Variants in ZNF625 observed in about 807,000 individuals in gnomAD.
ZNF625 encodes the protein zinc finger protein 625.
In ZNF625, 8 loss-of-function variants were observed where a neutral mutation model predicts 11.1. The observed-to-expected ratio is 0.72, with a 90% confidence interval of 0.42 to 1.30. The LOEUF (loss-of-function observed/expected upper bound fraction) is 1.30, where lower values mean the gene tolerates loss of function less well. ZNF625 is among the 50% of genes most tolerant of loss of function. ZNF625 has a pLI of 0.01. For synonymous variants in ZNF625, 145 were observed against 153.4 expected (o/e 0.95, Z 0.41); for missense variants, 349 against 447.6 (o/e 0.78, Z 1.99).
intron 1 of ZNF625, among the ~76,000 whole-genome samples, chr19:12,149,632 A>T (rs748548602): frequency 1.3e-5 from 2 of 152,198 alleles, no homozygotes; most frequent in Non-Finnish European, 2.9e-5. Context: ...GTAAAAACCT[A>T]ATTGATTAAA....
At chr19:12,147,264 G>T (rs974730673) in intron 3 of ZNF625, 131 bp downstream of exon 3, 6 of 819,726 alleles carry the variant, frequency 7.3e-6, no homozygotes, top group Non-Finnish European at 1.1e-5. Context: ...ACCACAGCCG[G>T]CCCTAGAGAA....
At chr19:12,146,879 C>T (rs1464301293) in intron 3 of ZNF625, among the ~76,000 whole-genome samples, 2 of 152,140 alleles carry the variant, frequency 1.3e-5, no homozygotes, top group Non-Finnish European at 2.9e-5. Context: ...TCAGCTCAAG[C>T]AATCTCTGAC....
In ZNF625 at chr19:12,145,088, C is replaced by T; in HGVS notation, c.*209G>A. On this transcript the variant is annotated 3_prime_UTR_variant, in exon 4 of 4. Coordinates refer to ENST00000439556, the MANE Select transcript of ZNF625 (RefSeq NM_145233.4). ...GTGTGTCTCTCTTAAGAGTTATTTC[C>T]AACTCTGTGTCCTAGGTATCTGAGT... is the stretch of plus-strand genomic sequence containing the variant. 1 of 601,166 alleles carries T rather than the reference C, an allele frequency of 1.7e-6. No individual in the cohort carries two copies. The highest frequency in any genetic ancestry group is 2.2e-5 in the South Asian group (1 of 46,454). The allele number at this position is 601,166 out of a possible 1,614,324, so 37.2% of individuals were successfully genotyped here.
rs778394308 is a variant in ZNF625 at position 12,146,183 on chromosome 19, T to C, written c.233A>G (p.His78Arg). 12 of 1,614,168 alleles carry C rather than the reference T, an allele frequency of 7.4e-6. No homozygotes were observed. Among genetic ancestry groups the C allele is most frequent in the Non-Finnish European group, 1.0e-5 (12 of 1,180,030 alleles). The change falls in exon 4 of 4, where the codon CAT (histidine) becomes CGT (arginine). Residue 78 changes from histidine (H) to arginine (R), a missense_variant. Coordinates refer to ENST00000439556, the MANE Select transcript of ZNF625 (RefSeq NM_145233.4). ...GERLLESKKD[H>R]QHGEILTQVP... ...CTGGGTCAAAATTTCTCCATGCTGA[T>C]GATCTTTCTTACTTTCTAAGAGTCT...
chr19:12,149,490 C>G (rs1206039748), intron 1 of ZNF625, among the ~76,000 whole-genome samples: 14 of 151,852 alleles, frequency 9.2e-5, no homozygotes, highest in South Asian at 4.2e-4. Context: ...AAGGTAGTCA[C>G]CAAAAGAAAA....
intron 1 of ZNF625, among the ~76,000 whole-genome samples, chr19:12,153,210 G>A (rs1181857973): frequency 6.6e-6 from 1 of 151,980 alleles, no homozygotes; most frequent in Non-Finnish European, 1.5e-5. Flanking sequence ...AATTAGCCAG[G>A]TGCGGTGGCA....
chr19:12,153,007 T>C (rs955144664), intron 1 of ZNF625, among the ~76,000 whole-genome samples: 1 of 152,106 alleles, frequency 6.6e-6, no homozygotes, highest in African/African-American at 2.4e-5. Context: ...TCTGCTCTCA[T>C]GCCTTCTACT....
chr19:12,153,456 G>A (rs1379072601), intron 1 of ZNF625, among the ~76,000 whole-genome samples: 5 of 152,058 alleles, frequency 3.3e-5, no homozygotes, highest in South Asian at 2.1e-4. Context: ...AAGCCAAGGC[G>A]GGTGGATCAC....
At chr19:12,150,258 G>A (rs1976936424) in intron 1 of ZNF625, among the ~76,000 whole-genome samples, 1 of 152,140 alleles carries the variant, frequency 6.6e-6, no homozygotes, top group Admixed American at 6.6e-5. Context: ...TGGAATGTGG[G>A]AAGGGAATCA....
In ZNF625 at chr19:12,155,420, C is replaced by A. The variant is rs147841193; in HGVS notation, c.3+1136G>T. Among the ~76,000 whole-genome samples, 566 of 152,182 alleles carry A rather than the reference C, an allele frequency of 3.7e-3. 3 individuals are homozygous for A. The highest frequency in any genetic ancestry group is 4.8e-3 in the Non-Finnish European group (326 of 68,018). On this transcript the variant is annotated intron_variant, in intron 1 of 3. Transcript: ENST00000439556. ...CCCTTCACTTAAACATTCCTTCCTA[C>A]CCCTTTCAAATTTTAGACACAACTT...
rs768301430 is a variant in ZNF625 at position 12,145,508 on chromosome 19, T to C, written c.908A>G (p.Tyr303Cys). The C allele has an allele frequency of 6.2e-7, 1 of 1,604,736 alleles. No homozygotes were observed. Among genetic ancestry groups the C allele is most frequent in the Admixed American group, 1.7e-5 (1 of 59,598 alleles). ...GGCTTTCCCACATTGCTTACATTCA[T>C]AGGGCTTCTCTCCAGTGTGAGTTCT... ...HERTHTGEKP[Y>C]ECKQCGKAFR... The change falls in exon 4 of 4, where the codon TAT (tyrosine) becomes TGT (cysteine). Residue 303 changes from tyrosine to cysteine, a missense_variant. Tyr to Cys is a radical substitution (Grantham distance 194). Coordinates refer to ENST00000439556, the MANE Select transcript of ZNF625 (RefSeq NM_145233.4).
chr19:12,147,387 C>T lies in ZNF625; in HGVS notation c.191+8G>A, dbSNP rs765180342. Reference sequence around the variant, plus strand: ...GAGACATCACTTTCTCTTGTGAATGCGAATTACCTTAGGTTTCTCCTGGGA... The same window carrying T: ...GAGACATCACTTTCTCTTGTGAATGTGAATTACCTTAGGTTTCTCCTGGGA... On this transcript the variant is annotated splice_region_variant and intron_variant, in intron 3 of 3. Transcript: ENST00000439556. 3.0e-5 allele frequency: 46 copies of T among 1,524,676 alleles called. No homozygotes were observed. In the Middle Eastern group the frequency reaches 5.1e-4, roughly 17 times the overall value. 94.4% of individuals were successfully genotyped at this position (1,524,676 alleles called of 1,614,324 possible). A position where few individuals can be genotyped will look rare whatever the true frequency, so the allele number is the denominator to read the frequency against.
At position 12,145,922 on chromosome 19, in the gene ZNF625, C is replaced by T; in HGVS notation, c.494G>A (p.Cys165Tyr). 6.2e-7 allele frequency: 1 copy of T among 1,614,184 alleles called. No individual in the cohort carries two copies. Among genetic ancestry groups the T allele is most frequent in the Non-Finnish European group, 8.5e-7 (1 of 1,180,032 alleles). The stretch of plus-strand genomic sequence containing the variant: ...AATAAAGCTTTTTCCACATTCCTCA[C>T]AATCATAAGGTTTCCCCCCAGTGTG... The part of the protein sequence containing the change: ...WAHTGGKPYD[C>Y]EECGKSFISR... Residue 165 changes from cysteine to tyrosine, a missense_variant, in exon 4 of 4, where the codon TGT becomes TAT. Physicochemically the swap from Cys to Tyr is radical, Grantham distance 194. Transcript: ENST00000439556.
chr19:12,151,697 T>A (rs192698953), intron 1 of ZNF625, among the ~76,000 whole-genome samples: 9 of 151,860 alleles, frequency 5.9e-5, no homozygotes, highest in Non-Finnish European at 1.3e-4. Context: ...TTATTTTTTG[T>A]AGAGACATGG....
At chr19:12,147,534 C>A in intron 2 of ZNF625, 79 bp from the exon 3 acceptor site, 1 of 1,524,440 alleles carries the variant, frequency 6.6e-7, no homozygotes, top group Admixed American at 2.0e-5. Context: ...TCATGGTACA[C>A]TGCAGCCTTG....
At chr19:12,147,888 T>C in intron 1 of ZNF625, 86 bp from the exon 2 acceptor site, 3 of 1,487,834 alleles carry the variant, frequency 2.0e-6, no homozygotes, top group East Asian at 2.3e-5. Context: ...GTTTCCATGG[T>C]GCTATGGACT....
chr19:12,147,498 T>A lies in ZNF625; in HGVS notation c.131-43A>T, dbSNP rs10404022. On this transcript the variant is annotated intron_variant, in intron 2 of 3. Transcript: ENST00000439556. ...AAAAATAGTCCTGAATTAGCAAAAT[T>A]ATGAAAAAAGTACTAGATTCTAAGT... 2.7e-3 allele frequency: 4,118 copies of A among 1,508,920 alleles called. 93 individuals carry two copies. The African/African-American group carries it at 0.052, about 19-fold the overall frequency. The allele number at this position is 1,508,920 out of a possible 1,614,324, so 93.5% of individuals were successfully genotyped here.
At chr19:12,153,408 G>C (rs1286997783) in intron 1 of ZNF625, among the ~76,000 whole-genome samples, 2 of 151,580 alleles carry the variant, frequency 1.3e-5, no homozygotes, top group Non-Finnish European at 2.9e-5. Context: ...ATGCACGGCT[G>C]GGTGCAGTAG....
At chr19:12,153,805 CTTTTTTTTT>C (rs912782968) in intron 1 of ZNF625, among the ~76,000 whole-genome samples, 2 of 113,576 alleles carry the variant, frequency 1.8e-5, no homozygotes, top group African/African-American at 7.7e-5. Flanking sequence ...TTTTATATTT[CTTTTTTTTT>C]TTTTTTTTTT....
Sources: allele counts gnomAD v4.1 joint callset (sites outside exome capture counted in the v4.1 genomes callset), GRCh38; gene constraint gnomAD v4.1.1; transcripts MANE v1.5; gene names NCBI Gene and HGNC (gene_info 2026-07-23, HGNC 2026-07-21).